Variants in TPRG1 observed in about 807,000 individuals in gnomAD.
The protein encoded by TPRG1 is tumor protein p63-regulated gene 1 protein.
In TPRG1, 29 loss-of-function variants were observed where a neutral mutation model predicts 29.3. That is an observed-to-expected ratio of 0.99 (90% CI 0.74 to 1.35). The LOEUF is 1.35. TPRG1 is among the 40% of genes most tolerant of loss of function. The probability of loss-of-function intolerance (pLI) is 0.00; values close to 1 mark genes in which losing one functional copy is unlikely to be tolerated. For synonymous variants in TPRG1, 130 were observed against 116.8 expected (o/e 1.11, Z -0.73); for missense variants, 327 against 335.0 (o/e 0.98, Z 0.19).
intron 4 of TPRG1, among the ~76,000 whole-genome samples, chr3:189,307,273 C>T (rs1341236291): frequency 1.3e-5 from 2 of 152,214 alleles, no homozygotes; most frequent in Non-Finnish European, 2.9e-5. Flanking sequence ...ATCCACCCAC[C>T]TCAGCCTTCC....
chr3:189,288,077 A>G (rs1000472757), intron 4 of TPRG1, among the ~76,000 whole-genome samples: 1 of 151,448 alleles, frequency 6.6e-6, no homozygotes, highest in Non-Finnish European at 1.5e-5. Flanking sequence ...GACAGAGGAA[A>G]AAGAGAGAGG....
At chr3:189,040,451 T>C (rs1286384029) in intron 4 of TPRG1, among the ~76,000 whole-genome samples, 1 of 152,144 alleles carries the variant, frequency 6.6e-6, no homozygotes, top group Non-Finnish European at 1.5e-5. Flanking sequence ...GTATTCCCCA[T>C]GGATGGTGCC....
chr3:189,105,670 T>C (rs1324243607), intron 1 of TPRG1, among the ~76,000 whole-genome samples: 3 of 152,168 alleles, frequency 2.0e-5, no homozygotes, highest in Non-Finnish European at 4.4e-5. Context: ...TCTCAGGATA[T>C]ATTCTGGTCT....
chr3:189,051,328 T>G (rs891804401), intron 4 of TPRG1, among the ~76,000 whole-genome samples: 7 of 152,196 alleles, frequency 4.6e-5, no homozygotes, highest in African/African-American at 1.4e-4. Context: ...ACTCAGCCCC[T>G]TTTACAAGCT....
intron 5 of TPRG1, among the ~76,000 whole-genome samples, chr3:189,152,376 A>G (rs1187821454): frequency 6.6e-6 from 1 of 152,202 alleles, no homozygotes; most frequent in African/African-American, 2.4e-5. Context: ...AGATTCTACT[A>G]TACAGACATG....
chr3:189,014,708 TTCTC>T (rs1418737454), intron 3 of TPRG1, among the ~76,000 whole-genome samples: 2 of 152,152 alleles, frequency 1.3e-5, no homozygotes, highest in East Asian at 3.9e-4. Flanking sequence ...CCCCTTTGCT[TTCTC>T]TTTCTCCTGC....
chr3:189,194,047 C>T (rs1219242417), intron 1 of TPRG1, among the ~76,000 whole-genome samples: 1 of 151,534 alleles, frequency 6.6e-6, no homozygotes, highest in Non-Finnish European at 1.5e-5. Context: ...AAACTTTCTA[C>T]AATAGCTTTC....
chr3:189,080,145 A>G (rs547903304), intron 4 of TPRG1, among the ~76,000 whole-genome samples: 52 of 152,358 alleles, frequency 3.4e-4, no homozygotes, highest in Non-Finnish European at 5.1e-4. Context: ...GTTGAAAGTT[A>G]TCTAGTTCAA....
At chr3:189,046,692 G>A (rs1049167383) in intron 4 of TPRG1, among the ~76,000 whole-genome samples, 1 of 152,150 alleles carries the variant, frequency 6.6e-6, no homozygotes, top group African/African-American at 2.4e-5. Context: ...TTTTCCTGTA[G>A]TATACGTTTC....
At chr3:189,187,529 G>A (rs1231547334) in intron 1 of TPRG1, among the ~76,000 whole-genome samples, 1 of 150,556 alleles carries the variant, frequency 6.6e-6, no homozygotes, top group Non-Finnish European at 1.5e-5. Flanking sequence ...ATATTGGTCA[G>A]GCTGGTCTCA....
At chr3:189,195,588 C>T (rs1202413649) in intron 1 of TPRG1, among the ~76,000 whole-genome samples, 1 of 152,150 alleles carries the variant, frequency 6.6e-6, no homozygotes, top group Non-Finnish European at 1.5e-5. Flanking sequence ...GTGTGGGCCA[C>T]AGGGGGCAGG....
chr3:189,290,020 A>ATAAT (rs1718735611), intron 4 of TPRG1, among the ~76,000 whole-genome samples: 2 of 152,206 alleles, frequency 1.3e-5, no homozygotes, highest in African/African-American at 4.8e-5. Context: ...AATAGGAAAC[A>ATAAT]TAATTATATG....
At chr3:189,266,963 T>C (rs1367365474) in intron 4 of TPRG1, among the ~76,000 whole-genome samples, 1 of 152,150 alleles carries the variant, frequency 6.6e-6, no homozygotes, top group Non-Finnish European at 1.5e-5. Flanking sequence ...AGTTTTAATT[T>C]GGTGATTCAA....
rs1166386996 is a variant in TPRG1 at position 189,324,245 on chromosome 3, T to A, written c.*3425T>A. The stretch of plus-strand genomic sequence containing the variant: ...AGGCAGAAAAACCATGTCAATTCAG[T>A]GCTTTTATTTCACAGAAAATGAAGC... On this transcript the variant is annotated 3_prime_UTR_variant, in exon 6 of 6. Transcript: ENST00000345063. The A allele has an allele frequency of 9.9e-5, 15 of 152,122 alleles. No homozygotes were observed. The highest frequency in any genetic ancestry group is 2.1e-4 in the Non-Finnish European group (14 of 68,026). The allele number at this position is 152,122 out of a possible 1,614,324, so 9.4% of individuals were successfully genotyped here. A position where few individuals can be genotyped will look rare whatever the true frequency, so the allele number is the denominator to read the frequency against.
intron 3 of TPRG1, among the ~76,000 whole-genome samples, chr3:189,019,736 G>T (rs1455259259): frequency 6.6e-6 from 1 of 151,472 alleles, no homozygotes; most frequent in Non-Finnish European, 1.5e-5. Flanking sequence ...TCAGAATGAT[G>T]CTGGCCTCAT....
intron 3 of TPRG1, among the ~76,000 whole-genome samples, chr3:189,225,870 A>G (rs1323412392): frequency 6.6e-6 from 1 of 152,234 alleles, no homozygotes; most frequent in Non-Finnish European, 1.5e-5. Flanking sequence ...TTAATTAAAA[A>G]TGTAGAGTGC....
intron 4 of TPRG1, among the ~76,000 whole-genome samples, chr3:189,294,802 T>TCACACACACACACACACA (rs577519611): frequency 7.6e-6 from 1 of 131,446 alleles, no homozygotes; most frequent in Non-Finnish European, 1.5e-5. Flanking sequence ...ACCCTTACAG[T>TCACACACACACACACACA]TACACACACA....
intron 4 of TPRG1, among the ~76,000 whole-genome samples, chr3:189,045,549 C>T (rs1216025745): frequency 6.6e-6 from 1 of 152,216 alleles, no homozygotes; most frequent in East Asian, 1.9e-4. Flanking sequence ...TACACTTCAG[C>T]TTCTTATTCT....
chr3:189,059,274 A>G (rs921381191), intron 4 of TPRG1, among the ~76,000 whole-genome samples: 9 of 152,222 alleles, frequency 5.9e-5, no homozygotes, highest in African/African-American at 2.2e-4. Context: ...CTTCACAAAT[A>G]TTAACTCAAT....
Sources: allele counts gnomAD v4.1 joint callset (sites outside exome capture counted in the v4.1 genomes callset), GRCh38; gene constraint gnomAD v4.1.1; transcripts MANE v1.5; gene names NCBI Gene and HGNC (gene_info 2026-07-23, HGNC 2026-07-21).